TTC6: variants seen among roughly 807,000 people sequenced by gnomAD.
TTC6 encodes the protein tetratricopeptide repeat domain 6, also known as tetratricopeptide repeat protein 6.
In TTC6, 172 loss-of-function variants were observed where a neutral mutation model predicts 210.4. The observed-to-expected ratio is 0.82, with a 90% CI of 0.72 to 0.93. TTC6 has a LOEUF of 0.93. Ranked by LOEUF, TTC6 falls within the 40% of genes least tolerant of loss-of-function variation. The pLI, the probability that TTC6 is intolerant of heterozygous loss-of-function variation, is 0.00. For synonymous variants in TTC6, 804 were observed against 819.6 expected, an observed-to-expected ratio of 0.98 and a Z score of 0.32; for missense variants, 2,414 against 2,318.1, an observed-to-expected ratio of 1.04 and a Z score of -0.85.
chr14:37,659,624 C>G (rs971508461), intron 1 of TTC6, among the ~76,000 whole-genome samples: 1 of 152,022 alleles, frequency 6.6e-6, no homozygotes, highest in East Asian at 1.9e-4. Flanking sequence ...CAGGTTCAAG[C>G]GATTCTCCTG....
chr14:37,803,419 A>G (rs1022330829), intron 20 of TTC6, among the ~76,000 whole-genome samples: 4 of 152,214 alleles, frequency 2.6e-5, no homozygotes, highest in Admixed American at 6.5e-5. Flanking sequence ...TCTGCAGACT[A>G]TAAAGATGAC....
At chr14:37,759,145 C>A (rs2095976441) in intron 14 of TTC6, among the ~76,000 whole-genome samples, 1 of 151,752 alleles carries the variant, frequency 6.6e-6, no homozygotes, top group Admixed American at 6.6e-5. Flanking sequence ...TGCCTATAGT[C>A]CCAGGTACTC....
chr14:37,705,175 A>G (rs1299498531), intron 5 of TTC6, among the ~76,000 whole-genome samples: 2 of 152,092 alleles, frequency 1.3e-5, no homozygotes, highest in Non-Finnish European at 2.9e-5. Flanking sequence ...TGAATCCCAG[A>G]CTTAACCCTC....
intron 27 of TTC6, 137 bp from the exon 30 acceptor site, chr14:37,826,058 T>C: frequency 3.6e-6 from 3 of 828,160 alleles, no homozygotes; most frequent in Non-Finnish European, 3.5e-6. Flanking sequence ...ATGCCTACTT[T>C]CTGGTTTGAA....
intron 15 of TTC6, among the ~76,000 whole-genome samples, chr14:37,789,478 A>T (rs2096074541): frequency 6.6e-6 from 1 of 151,756 alleles, no homozygotes. Context: ...GTTTCGGTCA[A>T]AAACGGACTG....
At chr14:37,744,516 C>T (rs1286987074) in intron 10 of TTC6, among the ~76,000 whole-genome samples, 1 of 152,062 alleles carries the variant, frequency 6.6e-6, no homozygotes, top group Non-Finnish European at 1.5e-5. Flanking sequence ...TGGAGACATG[C>T]TTTTTGCTTT....
rs113546472 is a variant in TTC6 at position 37,630,094 on chromosome 14, A to C, written c.939+7091A>C. On this transcript the variant is annotated intron_variant, in intron 1 of 30. Coordinates refer to ENST00000553443, the Ensembl canonical transcript of TTC6. Reference sequence around the variant, plus strand: ...CTCTGCCTCCTTTGGTTCTGATCTCATTTTAGTTATTTCTTGTCTTCTGCT... The same window carrying C: ...CTCTGCCTCCTTTGGTTCTGATCTCCTTTTAGTTATTTCTTGTCTTCTGCT... Among the ~76,000 whole-genome samples the C allele has an allele frequency of 2.3e-3, 347 of 151,854 alleles. 4 individuals carry two copies. Among genetic ancestry groups the C allele is most frequent in the African/African-American group, 7.9e-3 (328 of 41,404 alleles).
intron 5 of TTC6, among the ~76,000 whole-genome samples, chr14:37,706,816 A>G (rs1193667291): frequency 6.6e-6 from 1 of 152,036 alleles, no homozygotes; most frequent in Non-Finnish European, 1.5e-5. Context: ...TATATGGCAT[A>G]TATTTCCATT....
At chr14:37,694,288 A>G (rs1183218934) in intron 3 of TTC6, among the ~76,000 whole-genome samples, 1 of 152,248 alleles carries the variant, frequency 6.6e-6, no homozygotes, top group Non-Finnish European at 1.5e-5. Flanking sequence ...ATTTAAAAAT[A>G]TGCAAAAGAT....
intron 1 of TTC6, among the ~76,000 whole-genome samples, chr14:37,599,834 C>A (rs1430422744): frequency 6.6e-6 from 1 of 152,212 alleles, no homozygotes; most frequent in African/African-American, 2.4e-5. Context: ...CCCCCGGAAC[C>A]GATATGGCGA....
At chr14:37,840,109 G>C (rs1250595994) in intron 29 of TTC6, among the ~76,000 whole-genome samples, 1 of 151,884 alleles carries the variant, frequency 6.6e-6, no homozygotes, top group Non-Finnish European at 1.5e-5. Context: ...TAATAAACAA[G>C]AAAAGAGAGA....
chr14:37,607,810 T>A (rs568580193), intron 2 of TTC6, among the ~76,000 whole-genome samples: 9 of 152,166 alleles, frequency 5.9e-5, no homozygotes, highest in Admixed American at 3.3e-4. Context: ...AAAATTTTCT[T>A]GTAAAGGTGG....
At chr14:37,822,045 C>T (rs2150321) in intron 26 of TTC6, among the ~76,000 whole-genome samples, 116,113 of 151,822 alleles carry the variant, frequency 0.76, 49,503 homozygotes, top group Non-Finnish European at 0.94. Context: ...TCCCAAAGTG[C>T]TGTGATTACA....
intron 20 of TTC6, among the ~76,000 whole-genome samples, chr14:37,801,051 A>G (rs180790515): frequency 1.2e-4 from 18 of 152,348 alleles, no homozygotes; most frequent in Admixed American, 9.1e-4. Context: ...AATGTATTTC[A>G]GAACTGCCAT....
intron 27 of TTC6, among the ~76,000 whole-genome samples, chr14:37,824,214 C>G (rs930534497): frequency 6.6e-5 from 10 of 152,070 alleles, no homozygotes; most frequent in African/African-American, 2.4e-4. Context: ...TTTATGTCTG[C>G]ACCCCTCCCT....
intron 5 of TTC6, among the ~76,000 whole-genome samples, chr14:37,703,258 T>C (rs944250850): frequency 1.3e-5 from 2 of 152,114 alleles, no homozygotes; most frequent in Non-Finnish European, 2.9e-5. Flanking sequence ...TTTTGAATTC[T>C]GAAAATATTT....
At chr14:37,756,277 A>G (rs1021780375) in intron 14 of TTC6, among the ~76,000 whole-genome samples, 3 of 152,166 alleles carry the variant, frequency 2.0e-5, no homozygotes, top group Non-Finnish European at 2.9e-5. Flanking sequence ...CTAAATATAC[A>G]ATCATGTCGT....
intron 1 of TTC6, among the ~76,000 whole-genome samples, chr14:37,605,954 C>T (rs528583206): frequency 2.1e-4 from 32 of 151,962 alleles, no homozygotes; most frequent in Admixed American, 3.3e-4. Context: ...TAAGAACCCC[C>T]GAGGTCATGC....
intron 21 of TTC6, among the ~76,000 whole-genome samples, chr14:37,805,663 A>G (rs1187577918): frequency 1.3e-5 from 2 of 152,196 alleles, no homozygotes; most frequent in Non-Finnish European, 1.5e-5. Context: ...GCGGGGAAAA[A>G]TTTTAGAGTT....
Sources: allele counts gnomAD v4.1 joint callset (sites outside exome capture counted in the v4.1 genomes callset), GRCh38; gene constraint gnomAD v4.1.1; transcripts MANE v1.5; gene names NCBI Gene and HGNC (gene_info 2026-07-23, HGNC 2026-07-21).